OSBPL8: variants seen among roughly 807,000 people sequenced by gnomAD.
OSBPL8 encodes oxysterol-binding protein-related protein 8.
OSBPL8 carries 59 observed loss-of-function variants against 125.5 expected under a neutral mutation model. The observed-to-expected ratio is 0.47, with a 90% CI of 0.38 to 0.58. The LOEUF (loss-of-function observed/expected upper bound fraction) is 0.58. Ranked by LOEUF, OSBPL8 falls within the 20% of genes least tolerant of loss-of-function variation. The probability of loss-of-function intolerance (pLI) is 0.00; values close to 1 mark genes in which losing one functional copy is unlikely to be tolerated. For missense variants in OSBPL8, 758 were observed against 1,047.8 expected, an observed-to-expected ratio of 0.72 and a Z score of 3.82; for synonymous variants, 330 against 338.9, an observed-to-expected ratio of 0.97 and a Z score of 0.29.
intron 4 of OSBPL8, among the ~76,000 whole-genome samples, chr12:76,433,449 CCA>C (rs1477956612): frequency 6.6e-6 from 1 of 151,052 alleles, no homozygotes; most frequent in East Asian, 1.9e-4. Flanking sequence ...AAAAACAATC[CCA>C]GTTACAATAG....
chr12:76,432,438 G>A (rs531000618), intron 4 of OSBPL8, among the ~76,000 whole-genome samples: 13 of 152,122 alleles, frequency 8.5e-5, no homozygotes, highest in South Asian at 4.1e-4. Context: ...AAAATTAGCC[G>A]GGTGTGGTGG....
chr12:76,447,670 A>T (rs766333362), intron 4 of OSBPL8, among the ~76,000 whole-genome samples: 2 of 152,070 alleles, frequency 1.3e-5, no homozygotes, highest in Admixed American at 6.5e-5. Context: ...CAGCCTCTCA[A>T]ATAGCTAGGA....
chr12:76,397,702 C>G lies in OSBPL8; in HGVS notation c.664G>C (p.Ala222Pro), dbSNP rs1565862364. The G allele has an allele frequency of 6.2e-7, 1 of 1,613,820 alleles. No individual in the cohort carries two copies. Residue 222 changes from alanine to proline, a missense_variant, in exon 8 of 24, where the codon GCA becomes CCA. Ala to Pro is a conservative substitution (Grantham distance 27). Around this residue, in one of 3 missense-constraint regions of OSBPL8, gnomAD observed 69 missense variants for 148.7 expected, o/e 0.46. Coordinates refer to ENST00000261183, the MANE Select transcript of OSBPL8 (RefSeq NM_020841.5). ...AACAAGGGCTTACATACCTTCACTGCCCAAATAGATTGCTCCAAAGGATGG... is the reference window on the plus strand; with the variant it reads ...AACAAGGGCTTACATACCTTCACTGGCCAAATAGATTGCTCCAAAGGATGG... Reference protein sequence around the residue: ...LFHPLEQSIWAVKGPKGEAVG... With the variant: ...LFHPLEQSIWPVKGPKGEAVG...
chr12:76,399,534 A>G (rs1953961674), intron 7 of OSBPL8, among the ~76,000 whole-genome samples: 1 of 152,226 alleles, frequency 6.6e-6, no homozygotes, highest in South Asian at 2.1e-4. Context: ...TCAATAATAT[A>G]CCAAGTATAT....
chr12:76,476,857 C>A (rs1055082661), intron 2 of OSBPL8, among the ~76,000 whole-genome samples: 28 of 152,104 alleles, frequency 1.8e-4, no homozygotes, highest in African/African-American at 6.3e-4. Context: ...GGGAAAAAAA[C>A]CTATTATTTG....
intron 4 of OSBPL8, among the ~76,000 whole-genome samples, chr12:76,439,107 G>A (rs1045060511): frequency 5.3e-5 from 8 of 152,172 alleles, no homozygotes; most frequent in African/African-American, 1.2e-4. Context: ...CAGGCCGGAC[G>A]CGGTGGCTCA....
chr12:76,367,689 C>A (rs1040064085), intron 21 of OSBPL8, among the ~76,000 whole-genome samples: 1 of 151,866 alleles, frequency 6.6e-6, no homozygotes, highest in Admixed American at 6.6e-5. Flanking sequence ...TGTTTCAATT[C>A]CCTTCTCATT....
chr12:76,541,561 A>G (rs1950645604), intron 1 of OSBPL8, among the ~76,000 whole-genome samples: 1 of 152,152 alleles, frequency 6.6e-6, no homozygotes, highest in Non-Finnish European at 1.5e-5. Context: ...ACCACATTAA[A>G]AATAGGCCAT....
intron 2 of OSBPL8, among the ~76,000 whole-genome samples, chr12:76,472,314 T>G (rs1260311543): frequency 6.6e-6 from 1 of 152,254 alleles, no homozygotes; most frequent in Non-Finnish European, 1.5e-5. Context: ...CACCAGGTCC[T>G]GCTGATTTGC....
At position 76,369,835 on chromosome 12, in the gene OSBPL8, C is replaced by A; in HGVS notation, c.2055-13G>T. The A allele has an allele frequency of 5.1e-6, 8 of 1,582,206 alleles. No homozygotes were observed. Among genetic ancestry groups the A allele is most frequent in the South Asian group, 1.2e-5 (1 of 85,250 alleles). ...CCGTTGCCAGAGTCTAATACATGTG[C>A]GAAAATATTAAAAGTATTAAAAATG... is the stretch of plus-strand genomic sequence containing the variant. On this transcript the variant is annotated splice_polypyrimidine_tract_variant and intron_variant, in intron 19 of 23. Coordinates refer to ENST00000261183, the MANE Select transcript of OSBPL8 (RefSeq NM_020841.5).
At chr12:76,417,035 A>T (rs967690203) in intron 4 of OSBPL8, among the ~76,000 whole-genome samples, 1 of 152,212 alleles carries the variant, frequency 6.6e-6, no homozygotes, top group Admixed American at 6.5e-5. Flanking sequence ...GGAAGAACTT[A>T]TTTACCTCCC....
At chr12:76,368,168 C>T (rs1319970611) in intron 21 of OSBPL8, among the ~76,000 whole-genome samples, 1 of 152,156 alleles carries the variant, frequency 6.6e-6, no homozygotes, top group Non-Finnish European at 1.5e-5. Flanking sequence ...TTTCGAATGA[C>T]AGTTTTGCCA....
intron 15 of OSBPL8, among the ~76,000 whole-genome samples, chr12:76,378,921 C>G (rs1182640950): frequency 6.6e-6 from 1 of 152,074 alleles, no homozygotes; most frequent in Non-Finnish European, 1.5e-5. Flanking sequence ...AGGCGTGCAC[C>G]ACCATACCCA....
At chr12:76,496,691 C>A (rs1169719969) in intron 1 of OSBPL8, among the ~76,000 whole-genome samples, 1 of 152,124 alleles carries the variant, frequency 6.6e-6, no homozygotes, top group Non-Finnish European at 1.5e-5. Context: ...CAGGAACCTG[C>A]CACCACGCCC....
intron 4 of OSBPL8, among the ~76,000 whole-genome samples, chr12:76,423,813 A>G (rs1376550883): frequency 6.6e-6 from 1 of 152,104 alleles, no homozygotes; most frequent in African/African-American, 2.4e-5. Context: ...CAGCTGGACA[A>G]TAACCATCTA....
At chr12:76,358,571 G>A (rs1476240127) in intron 22 of OSBPL8, 135 bp downstream of exon 22, 2 of 675,216 alleles carry the variant, frequency 3.0e-6, no homozygotes, top group East Asian at 5.4e-5. Context: ...CTATGATCTA[G>A]AATTGCTTTT....
chr12:76,436,708 C>G (rs12821747), intron 4 of OSBPL8, among the ~76,000 whole-genome samples: 2 of 151,636 alleles, frequency 1.3e-5, no homozygotes, highest in Non-Finnish European at 2.9e-5. Flanking sequence ...TAGGAAAACA[C>G]GACAGAAACC....
At chr12:76,480,167 C>CAAAAAAAAAAAAAAA (rs57582036) in intron 2 of OSBPL8, among the ~76,000 whole-genome samples, 1 of 56,386 alleles carries the variant, frequency 1.8e-5, no homozygotes, top group Non-Finnish European at 3.1e-5. Flanking sequence ...AACTCCATCT[C>CAAAAAAAAAAAAAAA]AAAAAAAAAA....
intron 4 of OSBPL8, among the ~76,000 whole-genome samples, chr12:76,450,515 T>C (rs1873250693): frequency 6.6e-6 from 1 of 152,004 alleles, no homozygotes; most frequent in Admixed American, 6.5e-5. Context: ...ATAAAATAGA[T>C]ATAACTCACA....
Sources: gnomAD v4.1 joint callset for allele counts (sites outside exome capture counted in the v4.1 genomes callset) on GRCh38, gnomAD v4.1.1 for gene constraint, gnomAD v4.1.1 regional missense constraint, MANE v1.5 for transcripts, NCBI Gene and HGNC (gene_info 2026-07-23, HGNC 2026-07-21) for gene names.